The following VPS41 variants were observed in gnomAD, a reference collection of about 807,000 sequenced individuals.
The protein encoded by VPS41 is vacuolar protein sorting-associated protein 41 homolog.
A neutral mutation model predicts 130.9 loss-of-function variants in VPS41; 85 were observed. That is an observed-to-expected ratio of 0.65 (90% CI 0.55 to 0.78). The LOEUF (loss-of-function observed/expected upper bound fraction) is 0.78. Ranked by LOEUF, VPS41 falls within the 30% of genes least tolerant of loss-of-function variation. The pLI is 0.00. For missense variants in VPS41, 874 were observed against 1,018.7 expected (o/e 0.86, Z 1.93); for synonymous variants, 335 against 332.9 (o/e 1.01, Z -0.07).
At chr7:38,747,777 T>C (rs894084657) in intron 22 of VPS41, among the ~76,000 whole-genome samples, 1 of 152,158 alleles carries the variant, frequency 6.6e-6, no homozygotes, top group South Asian at 2.1e-4. Flanking sequence ...TGACATGTGG[T>C]TGGTGGCTAC....
intron 7 of VPS41, among the ~76,000 whole-genome samples, chr7:38,811,142 A>C (rs553207632): frequency 7.2e-5 from 11 of 152,238 alleles, no homozygotes; most frequent in Middle Eastern, 3.4e-3. Flanking sequence ...TATATTTCTT[A>C]ATGAAATTAG....
intron 25 of VPS41, among the ~76,000 whole-genome samples, chr7:38,740,718 T>A (rs1795863997): frequency 1.3e-5 from 2 of 151,968 alleles, no homozygotes; most frequent in African/African-American, 4.8e-5. Context: ...CCCACCCCCA[T>A]CTTTAGACTT....
At chr7:38,767,700 C>T (rs2115817260) in intron 14 of VPS41, 102 bp from the exon 15 acceptor site, 2 of 703,652 alleles carry the variant, frequency 2.8e-6, no homozygotes, top group East Asian at 5.7e-5. Flanking sequence ...CCTATTAGCT[C>T]TACTGACTAT....
chr7:38,855,010 A>T (rs1338437523), intron 4 of VPS41, among the ~76,000 whole-genome samples: 2 of 151,922 alleles, frequency 1.3e-5, no homozygotes, highest in Admixed American at 6.6e-5. Flanking sequence ...AGAGATCGAG[A>T]CCATCCTAGC....
intron 17 of VPS41, 114 bp downstream of exon 17, chr7:38,763,341 A>G (rs1783961358): frequency 1.6e-6 from 1 of 623,034 alleles, no homozygotes; most frequent in East Asian, 3.1e-5. Flanking sequence ...CACCTGCCAC[A>G]TGCAAACTAC....
intron 4 of VPS41, among the ~76,000 whole-genome samples, chr7:38,832,466 G>A (rs1291193734): frequency 6.6e-6 from 1 of 151,756 alleles, no homozygotes; most frequent in East Asian, 1.9e-4. Flanking sequence ...TTACAGGCAC[G>A]TGCCACCACG....
intron 2 of VPS41, among the ~76,000 whole-genome samples, chr7:38,871,408 A>G (rs1214829783): frequency 6.6e-6 from 1 of 152,246 alleles, no homozygotes; most frequent in Non-Finnish European, 1.5e-5. Flanking sequence ...GAAATGATGG[A>G]GTACATCAAG....
chr7:38,758,228 A>T, intron 18 of VPS41, 126 bp downstream of exon 18: 1 of 847,478 alleles, frequency 1.2e-6, no homozygotes, highest in Non-Finnish European at 1.8e-6. Flanking sequence ...AGAGGTTTTT[A>T]CTAAGAAGGA....
At chr7:38,854,833 G>A (rs1385875896) in intron 4 of VPS41, among the ~76,000 whole-genome samples, 2 of 124,702 alleles carry the variant, frequency 1.6e-5, no homozygotes, top group African/African-American at 3.3e-5. Context: ...CAAAAGTACC[G>A]TACGTTCAAG....
chr7:38,905,449 C>A (rs1382753909), intron 1 of VPS41, among the ~76,000 whole-genome samples: 1 of 152,182 alleles, frequency 6.6e-6, no homozygotes, highest in Admixed American at 6.5e-5. Context: ...TTGACAACTA[C>A]CTTTACCATA....
chr7:38,739,963 C>G (rs1173705339), intron 25 of VPS41, among the ~76,000 whole-genome samples: 1 of 152,162 alleles, frequency 6.6e-6, no homozygotes, highest in Non-Finnish European at 1.5e-5. Context: ...CCAGCTGACT[C>G]AGAATGATGC....
At chr7:38,832,079 TAA>T (rs989098605) in intron 4 of VPS41, among the ~76,000 whole-genome samples, 1 of 152,192 alleles carries the variant, frequency 6.6e-6, no homozygotes, top group African/African-American at 2.4e-5. Context: ...CCATTTTTCT[TAA>T]GTCTATTGAC....
chr7:38,821,223 T>G lies in VPS41; in HGVS notation c.364A>C (p.Thr122Pro). 6.2e-7 allele frequency: 1 copy of G among 1,613,762 alleles called. No individual in the cohort carries two copies. The change falls in exon 6 of 29, where the codon ACT (threonine) becomes CCT (proline). Residue 122 changes from threonine to proline, a missense_variant. Thr to Pro is a conservative substitution (Grantham distance 38). Transcript: ENST00000310301. ...GLYSGEEFHE[T>P]FDCPIKIIAV... ...CTTACTTTAATGGGACAGTCAAAAG[T>G]CTCGTGAAATTCTTCTCCAGAATAC...
intron 3 of VPS41, among the ~76,000 whole-genome samples, chr7:38,863,858 G>T (rs190757340): frequency 6.6e-6 from 1 of 152,168 alleles, no homozygotes; most frequent in Non-Finnish European, 1.5e-5. Context: ...ATGCTTGGGC[G>T]CTGGAAGGGA....
intron 10 of VPS41, among the ~76,000 whole-genome samples, chr7:38,778,257 G>C (rs1784296009): frequency 1.3e-5 from 2 of 152,240 alleles, no homozygotes; most frequent in South Asian, 2.1e-4. Flanking sequence ...CTTAAGAATA[G>C]TTTTGGTAAA....
chr7:38,781,314 C>T (rs898672327), intron 10 of VPS41, among the ~76,000 whole-genome samples: 8 of 152,204 alleles, frequency 5.3e-5, no homozygotes, highest in Non-Finnish European at 1.0e-4. Context: ...AGCCATACCA[C>T]AAAGACTTAA....
At chr7:38,826,422 A>G (rs1203872965) in intron 5 of VPS41, among the ~76,000 whole-genome samples, 1 of 152,244 alleles carries the variant, frequency 6.6e-6, no homozygotes, top group Non-Finnish European at 1.5e-5. Flanking sequence ...ATATCTTAAT[A>G]TTAACCAGAA....
At chr7:38,727,610 ACTT>A (rs375908081) in intron 27 of VPS41, among the ~76,000 whole-genome samples, 19 of 152,272 alleles carry the variant, frequency 1.2e-4, no homozygotes, top group Middle Eastern at 3.4e-3. Flanking sequence ...ATGGAAGCTC[ACTT>A]CTTCACCTGA....
chr7:38,789,887 GTTATT>G lies in VPS41; in HGVS notation c.718-25_718-21del, dbSNP rs780408610. On this transcript the variant is annotated intron_variant, in intron 9 of 28. Coordinates refer to ENST00000310301, the MANE Select transcript of VPS41 (RefSeq NM_014396.4). ...GCACACCTGGAAAATAAGTTCGCAG[GTTATT>G]TTATTCATTTGATGGAAAATTCTTC... 2 of 1,612,434 alleles carry G rather than the reference GTTATT, an allele frequency of 1.2e-6. No homozygotes were observed. Among genetic ancestry groups the G allele is most frequent in the South Asian group, 2.2e-5 (2 of 90,994 alleles).
Sources: allele counts gnomAD v4.1 joint callset (sites outside exome capture counted in the v4.1 genomes callset), GRCh38; gene constraint gnomAD v4.1.1; transcripts MANE v1.5; gene names NCBI Gene and HGNC (gene_info 2026-07-23, HGNC 2026-07-21).